SSBP2: variants seen among roughly 807,000 people sequenced by gnomAD.
SSBP2 encodes single-stranded DNA-binding protein 2.
Under a neutral mutation model 61.8 loss-of-function variants are expected in SSBP2, and 17 were observed. The ratio of observed to expected loss-of-function variants is 0.28; its 90% CI spans 0.19 to 0.41. The LOEUF (loss-of-function observed/expected upper bound fraction) is 0.41, where lower values mean the gene tolerates loss of function less well. Ranked by LOEUF, SSBP2 falls within the 10% of genes least tolerant of loss-of-function variation. The probability of loss-of-function intolerance (pLI) is 1.00; values close to 1 mark genes in which losing one functional copy is unlikely to be tolerated. For synonymous variants in SSBP2, 139 were observed against 141.3 expected (o/e 0.98, Z 0.12); for missense variants, 310 against 458.7 (o/e 0.68, Z 2.96).
At chr5:81,579,017 A>G (rs1774445381) in intron 4 of SSBP2, among the ~76,000 whole-genome samples, 3 of 152,080 alleles carry the variant, frequency 2.0e-5, no homozygotes, top group South Asian at 4.1e-4. Context: ...CTAGGAAATC[A>G]TTAGGCATTT....
At chr5:81,668,248 TAA>T (rs11332987) in intron 1 of SSBP2, among the ~76,000 whole-genome samples, 9,878 of 94,950 alleles carry the variant, frequency 0.1, 307 homozygotes, top group Middle Eastern at 0.13. Context: ...TATGGAAGTT[TAA>T]AAAAAAAAAA....
chr5:81,430,952 C>T (rs1243310469), intron 15 of SSBP2, among the ~76,000 whole-genome samples: 1 of 152,098 alleles, frequency 6.6e-6, no homozygotes, highest in Non-Finnish European at 1.5e-5. Context: ...AGAAGCTCCT[C>T]AATGGGAAAT....
intron 1 of SSBP2, among the ~76,000 whole-genome samples, chr5:81,656,064 T>C (rs1750180928): frequency 6.6e-6 from 1 of 152,216 alleles, no homozygotes; most frequent in Non-Finnish European, 1.5e-5. Flanking sequence ...ATTTTTTTTA[T>C]GAGACGGAGT....
intron 1 of SSBP2, among the ~76,000 whole-genome samples, chr5:81,739,915 A>G (rs1756893484): frequency 6.6e-6 from 1 of 152,134 alleles, no homozygotes; most frequent in African/African-American, 2.4e-5. Context: ...TACAAACACA[A>G]AAGCATTTTG....
chr5:81,506,360 AT>A (rs1400164060), intron 5 of SSBP2, among the ~76,000 whole-genome samples: 1 of 152,218 alleles, frequency 6.6e-6, no homozygotes, highest in East Asian at 1.9e-4. Flanking sequence ...TAACGTCTGA[AT>A]TTTTTTAAAC....
intron 1 of SSBP2, among the ~76,000 whole-genome samples, chr5:81,669,724 A>G (rs1751442903): frequency 6.6e-6 from 1 of 152,138 alleles, no homozygotes; most frequent in Admixed American, 6.6e-5. Flanking sequence ...CCACCATGCC[A>G]CATGCATACC....
intron 14 of SSBP2, 177 bp from the exon 15 acceptor site, chr5:81,437,635 C>A: frequency 2.3e-6 from 1 of 437,726 alleles, no homozygotes; most frequent in Non-Finnish European, 4.1e-6. Flanking sequence ...TCAGTACCAT[C>A]TGATGGAAAA....
chr5:81,613,705 T>C (rs544320535), intron 4 of SSBP2, among the ~76,000 whole-genome samples: 1 of 152,328 alleles, frequency 6.6e-6, no homozygotes, highest in Non-Finnish European at 1.5e-5. Flanking sequence ...TCAAAATTAG[T>C]GGAGACAATA....
chr5:81,571,603 T>C (rs954932217), intron 4 of SSBP2, among the ~76,000 whole-genome samples: 2 of 152,188 alleles, frequency 1.3e-5, no homozygotes, highest in African/African-American at 2.4e-5. Context: ...AGCTTAAATA[T>C]AGAATTGATT....
chr5:81,634,836 T>C (rs1391220157), intron 3 of SSBP2, among the ~76,000 whole-genome samples: 1 of 152,254 alleles, frequency 6.6e-6, no homozygotes, highest in Non-Finnish European at 1.5e-5. Flanking sequence ...CCAACTCTTA[T>C]ATCTACTTAA....
intron 1 of SSBP2, among the ~76,000 whole-genome samples, chr5:81,703,573 A>T (rs180696845): frequency 5.3e-5 from 8 of 152,200 alleles, no homozygotes; most frequent in East Asian, 1.9e-4. Flanking sequence ...AATAAAATTT[A>T]AAAAAAGAAA....
chr5:81,707,965 A>G (rs1024698730), intron 1 of SSBP2, among the ~76,000 whole-genome samples: 2 of 152,188 alleles, frequency 1.3e-5, no homozygotes, highest in African/African-American at 4.8e-5. Context: ...CAGAAAAGAT[A>G]TAAGTGATCC....
chr5:81,466,130 C>T (rs1296723163), intron 9 of SSBP2, among the ~76,000 whole-genome samples: 2 of 151,996 alleles, frequency 1.3e-5, no homozygotes, highest in Admixed American at 6.6e-5. Flanking sequence ...GAGACACCCA[C>T]AAACCTATAT....
intron 1 of SSBP2, 64 bp downstream of exon 1, chr5:81,750,917 C>T: frequency 6.6e-7 from 1 of 1,509,098 alleles, no homozygotes; most frequent in Non-Finnish European, 9.0e-7. Flanking sequence ...CCAGAGTGTG[C>T]GAGTGCGTGC....
intron 4 of SSBP2, among the ~76,000 whole-genome samples, chr5:81,536,098 AG>A (rs1770780346): frequency 6.6e-6 from 1 of 152,300 alleles, no homozygotes; most frequent in South Asian, 2.1e-4. Flanking sequence ...ATCTCAGCAA[AG>A]GAGATATACA....
At chr5:81,741,714 C>T (rs1353882527) in intron 1 of SSBP2, among the ~76,000 whole-genome samples, 1 of 152,186 alleles carries the variant, frequency 6.6e-6, no homozygotes, top group Non-Finnish European at 1.5e-5. Flanking sequence ...CCAAAACTAT[C>T]CTAAGTCCCG....
chr5:81,450,341 G>C (rs189074466), intron 10 of SSBP2, among the ~76,000 whole-genome samples: 49 of 152,196 alleles, frequency 3.2e-4, no homozygotes, highest in African/African-American at 1.2e-3. Context: ...TTATTTAAAT[G>C]TGAGTCTGCC....
intron 13 of SSBP2, 22 bp from the exon 14 acceptor site, chr5:81,440,658 T>C (rs1326500942): frequency 6.5e-7 from 1 of 1,531,218 alleles, no homozygotes; most frequent in Non-Finnish European, 8.9e-7. Context: ...ATGAAGAAAA[T>C]CACTGTAATC....
chr5:81,746,416 T>C (rs941926375), intron 1 of SSBP2, among the ~76,000 whole-genome samples: 1 of 152,138 alleles, frequency 6.6e-6, no homozygotes, highest in African/African-American at 2.4e-5. Flanking sequence ...ATTGTGCGAA[T>C]TGCTGTCAAG....
Sources: allele counts gnomAD v4.1 joint callset (sites outside exome capture counted in the v4.1 genomes callset), GRCh38; gene constraint gnomAD v4.1.1; transcripts MANE v1.5; gene names NCBI Gene and HGNC (gene_info 2026-07-23, HGNC 2026-07-21).